RICTOR: variants seen among roughly 807,000 people sequenced by gnomAD.
RICTOR encodes the protein RPTOR independent companion of MTOR complex 2.
A neutral mutation model predicts 214.9 loss-of-function variants in RICTOR; 49 were observed. The observed-to-expected ratio is 0.23, with a 90% CI of 0.18 to 0.29. The LOEUF (loss-of-function observed/expected upper bound fraction) is 0.29. Ranked by LOEUF, RICTOR falls within the 10% of genes least tolerant of loss-of-function variation. The probability of loss-of-function intolerance (pLI) is 1.00; values close to 1 mark genes in which losing one functional copy is unlikely to be tolerated. For synonymous variants in RICTOR, 717 were observed against 711.3 expected (o/e 1.01, Z -0.13); for missense variants, 1,625 against 2,047.0 (o/e 0.79, Z 3.98).
intron 2 of RICTOR, among the ~76,000 whole-genome samples, chr5:39,069,431 A>G (rs1398010872): frequency 6.6e-6 from 1 of 152,230 alleles, no homozygotes; most frequent in East Asian, 1.9e-4. Context: ...AGTTCTACAA[A>G]GAATCTTGAG....
intron 2 of RICTOR, among the ~76,000 whole-genome samples, chr5:39,039,296 AC>A: frequency 6.6e-6 from 1 of 152,270 alleles, no homozygotes; most frequent in East Asian, 1.9e-4. Context: ...CCTTCCTTAC[AC>A]CTTATACAAA....
intron 31 of RICTOR, among the ~76,000 whole-genome samples, 170 bp from the exon 32 acceptor site, chr5:38,947,611 T>TA (rs1748349428): frequency 6.6e-6 from 1 of 152,146 alleles, no homozygotes; most frequent in Non-Finnish European, 1.5e-5. Context: ...TATTAGCTGT[T>TA]ATAGACCGCT....
At chr5:39,007,677 A>G (rs999742307) in intron 3 of RICTOR, among the ~76,000 whole-genome samples, 13 of 152,074 alleles carry the variant, frequency 8.5e-5, no homozygotes, top group African/African-American at 3.1e-4. Context: ...AATAAATATG[A>G]CATATATTCA....
At chr5:39,060,115 A>C (rs1426729573) in intron 2 of RICTOR, among the ~76,000 whole-genome samples, 2 of 152,070 alleles carry the variant, frequency 1.3e-5, no homozygotes, top group Admixed American at 1.3e-4. Flanking sequence ...TCTTCATATA[A>C]TCCTACTATC....
chr5:39,053,554 T>C (rs982163150), intron 2 of RICTOR, among the ~76,000 whole-genome samples: 1 of 152,150 alleles, frequency 6.6e-6, no homozygotes, highest in Non-Finnish European at 1.5e-5. Context: ...AGCACAAAAA[T>C]AAATATTTAT....
intron 30 of RICTOR, among the ~76,000 whole-genome samples, chr5:38,951,565 T>A (rs997141952): frequency 6.6e-6 from 1 of 151,996 alleles, no homozygotes; most frequent in African/African-American, 2.4e-5. Context: ...TTGTGGTACA[T>A]AAAATATTGG....
Position 38,962,943 on chromosome 5 carries a change from T to G in RICTOR, c.1499A>C (p.Lys500Thr), listed in dbSNP as rs776209777. 2.7e-5 allele frequency: 44 copies of G among 1,612,728 alleles called. No homozygotes were observed. The highest frequency in any genetic ancestry group is 3.7e-5 in the Non-Finnish European group (44 of 1,178,984). Reference sequence around the variant, plus strand: ...CCGTTTCTGGTGTGTTGCAATTGCTTTCTGAATAATGTGGTCTAAATGAAG... The same window carrying G: ...CCGTTTCTGGTGTGTTGCAATTGCTGTCTGAATAATGTGGTCTAAATGAAG... ...YSLHLDHIIQKAIATHQKRDQ... is the reference protein window; with the variant it reads ...YSLHLDHIIQTAIATHQKRDQ... Residue 500 changes from lysine to threonine, a missense_variant, in exon 17 of 38, where the codon AAA becomes ACA. By Grantham distance (78) the Lys-to-Thr change is moderately conservative. Transcript: ENST00000357387.
At chr5:39,063,519 A>AT (rs1758690292) in intron 2 of RICTOR, among the ~76,000 whole-genome samples, 1 of 152,142 alleles carries the variant, frequency 6.6e-6, no homozygotes, top group Non-Finnish European at 1.5e-5. Context: ...AATTGTCATT[A>AT]TATCTTCACT....
intron 36 of RICTOR, among the ~76,000 whole-genome samples, chr5:38,943,480 C>T (rs1009780373): frequency 6.6e-6 from 1 of 151,986 alleles, no homozygotes; most frequent in Non-Finnish European, 1.5e-5. Flanking sequence ...GACCCTGATA[C>T]CTATGTGGGA....
intron 31 of RICTOR, among the ~76,000 whole-genome samples, chr5:38,949,114 A>G (rs1748474131): frequency 6.6e-6 from 1 of 152,040 alleles, no homozygotes; most frequent in African/African-American, 2.4e-5. Context: ...TTTTTGCAGC[A>G]AATACTGTGT....
In RICTOR at chr5:38,947,364, C is replaced by T. The variant is rs1748324850; in HGVS notation, c.4214G>A (p.Arg1405Gln). ...LSPINQNTLQRSSSVRSMVSS... is the reference protein window; with the variant it reads ...LSPINQNTLQQSSSVRSMVSS... The stretch of plus-strand genomic sequence containing the variant: ...CACCATGGACCGCACTGAGGAAGAT[C>T]GTTGCAGGGTATTTTGATTAATAGG... The change falls in exon 32 of 38, where the codon CGA (arginine) becomes CAA (glutamine). Residue 1405 changes from arginine to glutamine, a missense_variant. Coordinates refer to ENST00000357387, the MANE Select transcript of RICTOR (RefSeq NM_152756.5). The T allele has an allele frequency of 2.5e-6, 4 of 1,611,928 alleles. No individual in the cohort carries two copies. The highest frequency in any genetic ancestry group is 1.7e-5 in the Admixed American group (1 of 59,966).
At chr5:39,056,934 C>G (rs569057076) in intron 2 of RICTOR, among the ~76,000 whole-genome samples, 1 of 152,140 alleles carries the variant, frequency 6.6e-6, no homozygotes, top group Non-Finnish European at 1.5e-5. Context: ...GTAGAGGTAG[C>G]CAGGGACTAG....
At position 38,939,475 on chromosome 5, in the gene RICTOR, T is replaced by G. The variant is rs532123207; in HGVS notation, c.*2829A>C. ...GACTGTTTCCCCCTTCCAATCTACC[T>G]AAGAATAAACAGGAAATAAAAGTAT... On this transcript the variant is annotated 3_prime_UTR_variant, in exon 38 of 38. Transcript: ENST00000357387. The G allele has an allele frequency of 2.2e-5, 5 of 232,112 alleles. No homozygotes were observed. The South Asian group carries it at 7.3e-4, about 34-fold the overall frequency. 14.4% of individuals were successfully genotyped at this position (232,112 alleles called of 1,614,324 possible).
chr5:39,021,988 C>T (rs2150137115), intron 2 of RICTOR, among the ~76,000 whole-genome samples: 1 of 152,220 alleles, frequency 6.6e-6, no homozygotes, highest in East Asian at 1.9e-4. Context: ...TTACATGGTG[C>T]CAAAGCAATA....
At chr5:38,980,513 T>C (rs759108147) in intron 8 of RICTOR, among the ~76,000 whole-genome samples, 18 of 152,248 alleles carry the variant, frequency 1.2e-4, no homozygotes, top group Non-Finnish European at 2.2e-4. Context: ...TTCATTTACA[T>C]AAAGGCTTTG....
At chr5:39,012,061 G>T (rs996253652) in intron 3 of RICTOR, among the ~76,000 whole-genome samples, 1 of 152,160 alleles carries the variant, frequency 6.6e-6, no homozygotes, top group African/African-American at 2.4e-5. Flanking sequence ...ACCTTGAATT[G>T]TAATAATCCC....
Position 38,958,516 on chromosome 5 carries a change from T to A in RICTOR, c.2347A>T (p.Asn783Tyr). Reference sequence around the variant, plus strand: ...TTCATCTGAATGAGAGCATGAAGATTGGCCTAAAAGAGATTATCATTATTT... The same window carrying A: ...TTCATCTGAATGAGAGCATGAAGATAGGCCTAAAAGAGATTATCATTATTT... ...ILDEACEDKA[N>Y]LHALIQMKPA... Residue 783 changes from asparagine to tyrosine, a missense_variant, in exon 24 of 38, where the codon AAT (asparagine) becomes TAT (tyrosine). Physicochemically the swap from Asn to Tyr is moderately radical, Grantham distance 143. Transcript: ENST00000357387. 6.2e-7 allele frequency: 1 copy of A among 1,610,902 alleles called. No homozygotes were observed. Among genetic ancestry groups the A allele is most frequent in the Non-Finnish European group, 8.5e-7 (1 of 1,177,674 alleles).
chr5:38,952,926 ACATC>A, intron 29 of RICTOR, 55 bp downstream of exon 29: 2 of 979,298 alleles, frequency 2.0e-6, no homozygotes, highest in South Asian at 2.8e-5. Flanking sequence ...CTTTCCCCTA[ACATC>A]CATTTGTGAA....
At chr5:38,964,378 A>T (rs1442524057) in intron 16 of RICTOR, among the ~76,000 whole-genome samples, 1 of 151,862 alleles carries the variant, frequency 6.6e-6, no homozygotes, top group Non-Finnish European at 1.5e-5. Flanking sequence ...GCCCAGTAGT[A>T]CTTGTTACTA....
Sources: allele counts gnomAD v4.1 joint callset (sites outside exome capture counted in the v4.1 genomes callset), GRCh38; gene constraint gnomAD v4.1.1; transcripts MANE v1.5; gene names NCBI Gene and HGNC (gene_info 2026-07-23, HGNC 2026-07-21).